NKAIN3: variants seen among roughly 807,000 people sequenced by gnomAD.
The protein encoded by NKAIN3 is sodium/potassium transporting ATPase interacting 3.
A neutral mutation model predicts 30.2 loss-of-function variants in NKAIN3; 25 were observed. That is an observed-to-expected ratio of 0.83 (90% CI 0.60 to 1.16). The LOEUF (loss-of-function observed/expected upper bound fraction) is 1.16, where lower values mean the gene tolerates loss of function less well. Among genes scored for constraint, NKAIN3 ranks in the 50% most tolerant of loss-of-function variants. The probability of loss-of-function intolerance (pLI) is 0.00; values close to 1 mark genes in which losing one functional copy is unlikely to be tolerated. For missense variants in NKAIN3, 225 were observed against 254.1 expected, an observed-to-expected ratio of 0.89 and a Z score of 0.78; for synonymous variants, 91 against 89.6, an observed-to-expected ratio of 1.02 and a Z score of -0.09.
chr8:62,720,355 G>C (rs572928468), intron 3 of NKAIN3, among the ~76,000 whole-genome samples: 2 of 151,920 alleles, frequency 1.3e-5, no homozygotes, highest in Non-Finnish European at 2.9e-5. Context: ...CATTGTGTGT[G>C]GTACATTCTA....
At chr8:62,767,579 A>G (rs1429811295) in intron 4 of NKAIN3, among the ~76,000 whole-genome samples, 1 of 152,068 alleles carries the variant, frequency 6.6e-6, no homozygotes, top group African/African-American at 2.4e-5. Context: ...AGTTTCTCTT[A>G]CCAGTATTAT....
rs938935956 is a variant in NKAIN3, at chr8:62,789,993, G to T, written c.471+42864G>T. Among the ~76,000 whole-genome samples, 12 of 152,198 alleles carry T rather than the reference G, an allele frequency of 7.9e-5. No individual in the cohort carries two copies. In the East Asian group the frequency reaches 1.2e-3, roughly 15 times the overall value. On this transcript the variant is annotated intron_variant, in intron 4 of 6. Coordinates refer to ENST00000623646, the MANE Select transcript of NKAIN3 (RefSeq NM_001304533.3). ...CAGCATCATCCTGATACCAAAGCCT[G>T]GCAGAGACACAATAAAAAAAGAGAA...
At chr8:62,793,991 A>G (rs1411730951) in intron 4 of NKAIN3, among the ~76,000 whole-genome samples, 2 of 152,162 alleles carry the variant, frequency 1.3e-5, no homozygotes, top group Non-Finnish European at 2.9e-5. Context: ...GTTGACAGTC[A>G]TTTCTTTTCT....
At chr8:62,353,714 T>C (rs1198443072) in intron 1 of NKAIN3, among the ~76,000 whole-genome samples, 2 of 152,182 alleles carry the variant, frequency 1.3e-5, no homozygotes, top group Non-Finnish European at 2.9e-5. Flanking sequence ...AATAAATAAA[T>C]AAATTTCCTA....
intron 4 of NKAIN3, among the ~76,000 whole-genome samples, chr8:62,865,909 T>C (rs1218686485): frequency 6.6e-6 from 1 of 152,164 alleles, no homozygotes; most frequent in Non-Finnish European, 1.5e-5. Context: ...TTTAACTGCT[T>C]CTAGGAGTTG....
At chr8:62,824,366 A>G (rs1356499139) in intron 4 of NKAIN3, among the ~76,000 whole-genome samples, 1 of 152,050 alleles carries the variant, frequency 6.6e-6, no homozygotes, top group Non-Finnish European at 1.5e-5. Context: ...TCTCCTATCC[A>G]TTAATGTAAC....
intron 3 of NKAIN3, among the ~76,000 whole-genome samples, chr8:62,715,508 A>G (rs945666083): frequency 1.3e-5 from 2 of 152,124 alleles, no homozygotes; most frequent in East Asian, 1.9e-4. Context: ...AGACTGCATC[A>G]TTTCCAAGGG....
intron 3 of NKAIN3, among the ~76,000 whole-genome samples, chr8:62,620,546 A>G (rs1279373673): frequency 2.0e-5 from 3 of 152,198 alleles, no homozygotes; most frequent in African/African-American, 7.2e-5. Context: ...ATGCTAATTT[A>G]GACCCAGACC....
At position 62,286,406 on chromosome 8, in the gene NKAIN3, G is replaced by A. The variant is rs1319018188; in HGVS notation, c.54+37279G>A. 2.0e-5 allele frequency among the ~76,000 whole-genome samples: 3 copies of A among 152,052 alleles called. No homozygotes were observed. In the East Asian group the frequency reaches 5.8e-4, roughly 29 times the overall value. On this transcript the variant is annotated intron_variant, in intron 1 of 6. Transcript: ENST00000623646. ...TACAGTATTTTTTTTTAAATGAACAGTGCTCATATGCCCACTCTCAAAGCT... is the reference window on the plus strand; with the variant it reads ...TACAGTATTTTTTTTTAAATGAACAATGCTCATATGCCCACTCTCAAAGCT...
chr8:62,690,423 G>T (rs1317835336), intron 3 of NKAIN3, among the ~76,000 whole-genome samples: 1 of 152,228 alleles, frequency 6.6e-6, no homozygotes, highest in Admixed American at 6.5e-5. Context: ...GTGAATACAT[G>T]TGATTGTTCT....
intron 3 of NKAIN3, among the ~76,000 whole-genome samples, chr8:62,641,723 AT>A: frequency 6.6e-6 from 1 of 152,282 alleles, no homozygotes; most frequent in East Asian, 1.9e-4. Context: ...TGAGTAACCT[AT>A]TCTTGAATAT....
At chr8:62,386,762 G>A (rs59620803) in intron 1 of NKAIN3, among the ~76,000 whole-genome samples, 21,028 of 152,050 alleles carry the variant, frequency 0.14, 1,742 homozygotes, top group East Asian at 0.4. Flanking sequence ...CAGCTTTGCC[G>A]TGTAATCTAT....
chr8:62,339,749 A>C (rs368038744), intron 1 of NKAIN3, among the ~76,000 whole-genome samples: 11 of 152,062 alleles, frequency 7.2e-5, no homozygotes, highest in African/African-American at 2.4e-4. Flanking sequence ...GTTTATTTAC[A>C]TGCTCTGTAC....
intron 3 of NKAIN3, among the ~76,000 whole-genome samples, chr8:62,650,593 C>T (rs1422247832): frequency 6.6e-6 from 1 of 152,086 alleles, no homozygotes; most frequent in Non-Finnish European, 1.5e-5. Flanking sequence ...GATCTCATTT[C>T]ATAAGTAAGG....
intron 1 of NKAIN3, among the ~76,000 whole-genome samples, chr8:62,311,033 C>T (rs1451184630): frequency 2.7e-5 from 4 of 150,444 alleles, no homozygotes; most frequent in Non-Finnish European, 5.9e-5. Flanking sequence ...TCCCTCAAAT[C>T]CATTTCACTA....
At chr8:62,724,488 T>G (rs1441339728) in intron 3 of NKAIN3, among the ~76,000 whole-genome samples, 2 of 152,112 alleles carry the variant, frequency 1.3e-5, no homozygotes, top group Admixed American at 6.5e-5. Flanking sequence ...TCATTCTATC[T>G]AACTATATTT....
chr8:62,716,994 C>G (rs1814924596), intron 3 of NKAIN3, among the ~76,000 whole-genome samples: 1 of 152,136 alleles, frequency 6.6e-6, no homozygotes, highest in African/African-American at 2.4e-5. Context: ...GAAGATGTGC[C>G]TGATATCCTA....
intron 3 of NKAIN3, among the ~76,000 whole-genome samples, chr8:62,697,476 CT>C (rs1318559212): frequency 6.6e-6 from 1 of 152,282 alleles, no homozygotes; most frequent in African/African-American, 2.4e-5. Context: ...TCATTACCCC[CT>C]AATTAAAATT....
rs190797431 is a variant in NKAIN3 at position 62,537,780 on chromosome 8, A to C, written c.55-41759A>C. Among the ~76,000 whole-genome samples, 4 of 152,284 alleles carry C rather than the reference A, an allele frequency of 2.6e-5. No homozygotes were observed. In the East Asian group the frequency reaches 7.7e-4, roughly 29 times the overall value. ...CTATTTGACAACATGCAAGAACCTC[A>C]TCACATGTAAAATGGAGCTGGTGAC... On this transcript the variant is annotated intron_variant, in intron 1 of 6. Transcript: ENST00000623646.
Sources: allele counts gnomAD v4.1 joint callset (sites outside exome capture counted in the v4.1 genomes callset), GRCh38; gene constraint gnomAD v4.1.1; transcripts MANE v1.5; gene names NCBI Gene and HGNC (gene_info 2026-07-23, HGNC 2026-07-21).